The following RIPK1 variants were observed in gnomAD, a reference collection of about 807,000 sequenced individuals.
RIPK1 encodes receptor interacting serine/threonine kinase 1, also known as receptor-interacting serine/threonine-protein kinase 1.
Under a neutral mutation model 62.4 loss-of-function variants are expected in RIPK1, and 27 were observed. The observed-to-expected ratio is 0.43, with a 90% CI of 0.32 to 0.60. The LOEUF (loss-of-function observed/expected upper bound fraction) is 0.60. Ranked by LOEUF, RIPK1 falls within the 20% of genes least tolerant of loss-of-function variation. RIPK1 has a pLI of 0.07. For synonymous variants in RIPK1, 287 were observed against 303.2 expected (o/e 0.95, Z 0.55); for missense variants, 735 against 831.0 (o/e 0.88, Z 1.42).
chr6:3,072,269 G>A lies in RIPK1; in HGVS notation c.-61+3608G>A, dbSNP rs1758756229. 6.6e-6 allele frequency among the ~76,000 whole-genome samples: 1 copy of A among 152,020 alleles called. No homozygotes were observed. Among genetic ancestry groups the A allele is most frequent in the Non-Finnish European group, 1.5e-5 (1 of 68,010 alleles). ...ATTCATGTCTATTGTGGAAAATTTGGAAAACATAGTAAAAGTGTAAAGAAG... is the reference window on the plus strand; with the variant it reads ...ATTCATGTCTATTGTGGAAAATTTGAAAAACATAGTAAAAGTGTAAAGAAG... On this transcript the variant is annotated intron_variant, in intron 1 of 10. Coordinates refer to ENST00000259808, the MANE Select transcript of RIPK1 (RefSeq NM_001354930.2). The surrounding 1 kb of genome is among the most constrained non-coding windows in gnomAD (Gnocchi z 5.6).
rs377004988 is a variant in RIPK1, at chr6:3,083,186, C to T, written c.561C>T (p.Gly187=). The T allele has an allele frequency of 1.3e-5, 21 of 1,613,918 alleles. No homozygotes were observed. The highest frequency in any genetic ancestry group is 4.5e-5 in the East Asian group (2 of 44,896). Residue 187 remains glycine, a synonymous_variant, in exon 5 of 11, where the codon GGC becomes GGT. Transcript: ENST00000259808. ...TGGACGGCACCGCTAAGAAGAATGG[C>T]GGCACCCTCTACTACATGGCGCCCG... The part of the protein sequence containing the change: ...REVDGTAKKN[G]GTLYYMAPEH...
chr6:3,078,035 A>G, intron 3 of RIPK1, 100 bp downstream of exon 3: 1 of 1,222,652 alleles, frequency 8.2e-7, no homozygotes, highest in Admixed American at 2.6e-5. Flanking sequence ...TTAGCATCAA[A>G]TTTGCAAATT....
At chr6:3,101,557 C>A (rs2113680433) in intron 7 of RIPK1, among the ~76,000 whole-genome samples, 1 of 152,072 alleles carries the variant, frequency 6.6e-6, no homozygotes, top group Non-Finnish European at 1.5e-5. Flanking sequence ...TGCATGTATT[C>A]ATTTAGCTAG....
intron 8 of RIPK1, among the ~76,000 whole-genome samples, chr6:3,104,743 T>C (rs910215911): frequency 1.3e-5 from 2 of 152,210 alleles, no homozygotes; most frequent in African/African-American, 4.8e-5. Context: ...ACCTGATCTG[T>C]GGCTAATTAC....
intron 1 of RIPK1, among the ~76,000 whole-genome samples, chr6:3,073,951 G>A (rs1024158390): frequency 2.6e-5 from 4 of 152,192 alleles, no homozygotes; most frequent in East Asian, 1.9e-4. Context: ...TCATCTGTCC[G>A]TCATTGTCTG....
chr6:3,087,635 G>C (rs1759779552), intron 6 of RIPK1, among the ~76,000 whole-genome samples: 1 of 151,570 alleles, frequency 6.6e-6, no homozygotes, highest in African/African-American at 2.4e-5. Flanking sequence ...TGCCTCCTGG[G>C]TTCACGCCAT....
intron 10 of RIPK1, among the ~76,000 whole-genome samples, chr6:3,111,712 T>A (rs565253613): frequency 6.6e-6 from 1 of 152,376 alleles, no homozygotes; most frequent in Non-Finnish European, 1.5e-5. Context: ...CAGGCCATAG[T>A]TGGCCAACCC....
At chr6:3,099,253 A>G (rs1224690432) in intron 7 of RIPK1, among the ~76,000 whole-genome samples, 2 of 152,354 alleles carry the variant, frequency 1.3e-5, no homozygotes, top group Non-Finnish European at 2.9e-5. Flanking sequence ...ACAAATAAAA[A>G]ACAAAAATAG....
chr6:3,069,516 A>G (rs1049144347), intron 1 of RIPK1, among the ~76,000 whole-genome samples: 1 of 152,148 alleles, frequency 6.6e-6, no homozygotes, highest in African/African-American at 2.4e-5. Context: ...CTTGCTGACC[A>G]TTTGGCTCTC....
rs775725370 is a variant in RIPK1 at position 3,113,075 on chromosome 6, T to A, written c.1752T>A (p.Asp584Glu). Residue 584 changes from aspartate to glutamate, a missense_variant, in exon 11 of 11, where the codon GAT (aspartate) becomes GAA (glutamate). This residue lies in a region of RIPK1 where 671 missense variants were observed against 726.2 expected (regional missense o/e 0.92). Transcript: ENST00000259808. This position sits in a 1 kb window ranked among gnomAD's most constrained non-coding sequence, Gnocchi z 5.0. ...CAGATAATACCACTAGTCTGACGGA[T>A]AAACACCTGGACCCAATCAGGGAAA... ...AIFDNTTSLT[D>E]KHLDPIRENL... 2.5e-6 allele frequency: 4 copies of A among 1,574,996 alleles called. No homozygotes were observed. The African/African-American group carries it at 4.1e-5, about 16-fold the overall frequency.
chr6:3,110,965 C>A lies in RIPK1; in HGVS notation c.1729+10C>A. On this transcript the variant is annotated intron_variant, in intron 10 of 10. Transcript: ENST00000259808. ...TACCAAGCTATCTTTGGTAAGATAC[C>A]CTGGAAGGACTCAACGCCTAGCAAC... 6.3e-7 allele frequency: 1 copy of A among 1,595,240 alleles called. No homozygotes were observed. The highest frequency in any genetic ancestry group is 1.1e-5 in the South Asian group (1 of 87,856).
chr6:3,081,881 A>T (rs1157222684), intron 4 of RIPK1, among the ~76,000 whole-genome samples: 4 of 141,614 alleles, frequency 2.8e-5, no homozygotes, highest in African/African-American at 1.1e-4. Context: ...AAAAAAAAAA[A>T]AAAAAAAAAA....
At chr6:3,073,682 G>A (rs1345690921) in intron 1 of RIPK1, among the ~76,000 whole-genome samples, 1 of 152,224 alleles carries the variant, frequency 6.6e-6, no homozygotes, top group Non-Finnish European at 1.5e-5. Context: ...TCCTCCGCTA[G>A]ACAGAGCTGG....
At chr6:3,112,732 C>T (rs1298646205) in intron 10 of RIPK1, among the ~76,000 whole-genome samples, 5 of 152,076 alleles carry the variant, frequency 3.3e-5, no homozygotes, top group Admixed American at 2.0e-4. Context: ...GAGACAGGTT[C>T]TTGCTGTGTT....
intron 5 of RIPK1, 128 bp from the exon 6 acceptor site, chr6:3,085,131 G>A (rs1759621656): frequency 1.1e-6 from 1 of 907,528 alleles, no homozygotes. Context: ...CTTGTCATAA[G>A]GCCATTCCAC....
chr6:3,077,428 C>T (rs1175848536), intron 2 of RIPK1, among the ~76,000 whole-genome samples: 1 of 151,148 alleles, frequency 6.6e-6, no homozygotes, highest in Middle Eastern at 3.2e-3. Context: ...TCTCTCCCTC[C>T]TTTGTCAGAG....
chr6:3,081,886 AAAAAAAAAAAAAAAAAAAAT>A (rs1377576553), intron 4 of RIPK1, among the ~76,000 whole-genome samples: 3 of 145,532 alleles, frequency 2.1e-5, no homozygotes, highest in African/African-American at 7.8e-5. Context: ...AAAAAAAAAA[AAAAAAAAAAAAAAAAAAAAT>A]CAGCAGTGCA....
chr6:3,099,655 A>T (rs1270245191), intron 7 of RIPK1, among the ~76,000 whole-genome samples: 1 of 152,258 alleles, frequency 6.6e-6, no homozygotes, highest in African/African-American at 2.4e-5. Flanking sequence ...GGCCTCGCCA[A>T]CAGAGAAAGG....
chr6:3,106,628 T>G (rs946429062), intron 9 of RIPK1, among the ~76,000 whole-genome samples: 1 of 152,244 alleles, frequency 6.6e-6, no homozygotes, highest in Non-Finnish European at 1.5e-5. Flanking sequence ...GAACAGCATC[T>G]ACCAATGATA....
Sources: gnomAD v4.1 joint callset for allele counts (sites outside exome capture counted in the v4.1 genomes callset) on GRCh38, gnomAD v4.1.1 for gene constraint, gnomAD v4.1.1 regional missense constraint, Gnocchi (gnomAD v3.1) non-coding constraint, MANE v1.5 for transcripts, NCBI Gene and HGNC (gene_info 2026-07-23, HGNC 2026-07-21) for gene names.